Variants in DLG2 observed in about 807,000 individuals in gnomAD.
The protein encoded by DLG2 is discs large MAGUK scaffold protein 2.
DLG2 carries 45 observed loss-of-function variants against 132.5 expected under a neutral mutation model. The ratio of observed to expected loss-of-function variants is 0.34; its 90% confidence interval spans 0.27 to 0.44. The LOEUF is 0.44. Among genes scored for constraint, DLG2 ranks in the 20% least tolerant of loss-of-function variants. DLG2 has a pLI of 1.00. For synonymous variants in DLG2, 424 were observed against 419.6 expected (o/e 1.01, Z -0.13); for missense variants, 1,045 against 1,196.9 (o/e 0.87, Z 1.87).
chr11:85,288,392 G>A (rs568900577), intron 3 of DLG2, among the ~76,000 whole-genome samples: 10 of 151,852 alleles, frequency 6.6e-5, no homozygotes, highest in South Asian at 2.1e-4. Context: ...AATAACATAC[G>A]GGCTGGTAGG....
At chr11:83,504,029 G>T (rs12794550) in intron 21 of DLG2, among the ~76,000 whole-genome samples, 53,736 of 152,056 alleles carry the variant, frequency 0.35, 9,594 homozygotes, top group Middle Eastern at 0.46. Flanking sequence ...CTTCTATGCT[G>T]ATGTGAGGTC....
intron 5 of DLG2, among the ~76,000 whole-genome samples, chr11:85,143,486 C>T (rs1566929087): frequency 2.6e-5 from 4 of 151,388 alleles, no homozygotes; most frequent in African/African-American, 9.7e-5. Flanking sequence ...GCTTGTTTTG[C>T]TTTTGCTTTT....
intron 7 of DLG2, among the ~76,000 whole-genome samples, chr11:84,451,983 G>T (rs562482721): frequency 8.8e-4 from 134 of 151,764 alleles, no homozygotes; most frequent in African/African-American, 3.2e-3. Context: ...TCTAGATATG[G>T]TTTTTTGAAA....
intron 6 of DLG2, among the ~76,000 whole-genome samples, chr11:85,103,359 C>G (rs894296096): frequency 3.9e-5 from 6 of 151,942 alleles, no homozygotes; most frequent in Non-Finnish European, 7.4e-5. Context: ...CAACTTACTA[C>G]AAAGCTACCA....
At chr11:85,015,332 T>C (rs947351600) in intron 6 of DLG2, among the ~76,000 whole-genome samples, 3 of 151,828 alleles carry the variant, frequency 2.0e-5, no homozygotes, top group Non-Finnish European at 4.4e-5. Flanking sequence ...TATGTTCTAG[T>C]CCAACATTTT....
chr11:85,401,037 A>G (rs2088037615), intron 3 of DLG2, among the ~76,000 whole-genome samples: 1 of 152,086 alleles, frequency 6.6e-6, no homozygotes, highest in Non-Finnish European at 1.5e-5. Flanking sequence ...AACAAAAAAA[A>G]AAGAGAATTT....
intron 7 of DLG2, among the ~76,000 whole-genome samples, chr11:84,508,456 G>A (rs1255026175): frequency 6.8e-6 from 1 of 147,722 alleles, no homozygotes; most frequent in African/African-American, 2.5e-5. Context: ...AGGCTGGAGT[G>A]CAGTGGCGCA....
intron 4 of DLG2, among the ~76,000 whole-genome samples, chr11:85,226,152 T>TTTTTTTAATATTTTATATA (rs2074961156): frequency 6.7e-6 from 1 of 149,508 alleles, no homozygotes; most frequent in Non-Finnish European, 1.5e-5. Context: ...TGTGTTATAA[T>TTTTTTTAATATTTTATATA]TTTTATAATA....
At chr11:84,316,738 G>C in intron 7 of DLG2, 1 of 1,398,742 alleles carries the variant, frequency 7.1e-7, no homozygotes, top group South Asian at 1.5e-5. Flanking sequence ...GTGGTACTCT[G>C]CAAAGTTTCC....
chr11:83,492,715 A>G (rs2093927080), intron 21 of DLG2, among the ~76,000 whole-genome samples: 1 of 151,936 alleles, frequency 6.6e-6, no homozygotes, highest in Non-Finnish European at 1.5e-5. Flanking sequence ...CTCATACCCC[A>G]CATCCAATTG....
intron 7 of DLG2, among the ~76,000 whole-genome samples, chr11:84,415,571 G>T (rs942161996): frequency 1.3e-5 from 2 of 152,120 alleles, no homozygotes; most frequent in African/African-American, 4.8e-5. Context: ...CATTATCAAT[G>T]AATGCATATT....
intron 6 of DLG2, among the ~76,000 whole-genome samples, chr11:85,024,270 CCAGGAGCTAGTTA>C (rs1460390771): frequency 6.6e-6 from 1 of 152,104 alleles, no homozygotes; most frequent in East Asian, 1.9e-4. Context: ...AACCCAAGAA[CCAGGAGCTAGTTA>C]CAGGATGGGA....
intron 2 of DLG2, among the ~76,000 whole-genome samples, chr11:85,619,132 T>C (rs1449554834): frequency 1.3e-5 from 2 of 152,228 alleles, no homozygotes; most frequent in Admixed American, 1.3e-4. Flanking sequence ...TAATTAATAT[T>C]TTACAATATC....
intron 14 of DLG2, among the ~76,000 whole-genome samples, chr11:83,955,884 A>C (rs922144369): frequency 1.3e-5 from 2 of 152,144 alleles, no homozygotes; most frequent in African/African-American, 4.8e-5. Context: ...TTGACCACAG[A>C]CTGAAGGCTG....
intron 3 of DLG2, among the ~76,000 whole-genome samples, chr11:85,324,124 TG>T (rs1322054333): frequency 6.6e-6 from 1 of 152,182 alleles, no homozygotes; most frequent in Admixed American, 6.5e-5. Context: ...TCACACAGTC[TG>T]AAATGACCAT....
intron 7 of DLG2, among the ~76,000 whole-genome samples, chr11:84,377,482 T>C (rs1417686098): frequency 1.3e-5 from 2 of 151,990 alleles, no homozygotes; most frequent in African/African-American, 4.8e-5. Flanking sequence ...TAAAGACAAA[T>C]TGGTAACTTT....
At chr11:84,124,847 CTTTTT>C (rs34177526) in intron 9 of DLG2, among the ~76,000 whole-genome samples, 2 of 121,204 alleles carry the variant, frequency 1.7e-5, no homozygotes, top group South Asian at 5.2e-4. Context: ...CTTGTTTTCA[CTTTTT>C]TTTTTTTTTT....
At chr11:84,431,331 T>C (rs796788195) in intron 7 of DLG2, among the ~76,000 whole-genome samples, 16 of 152,314 alleles carry the variant, frequency 1.1e-4, no homozygotes, top group African/African-American at 3.8e-4. Context: ...ACTGGTGATA[T>C]GTTTTCTCTC....
chr11:85,288,445 A>G (rs1040676683), intron 3 of DLG2, among the ~76,000 whole-genome samples: 1 of 152,210 alleles, frequency 6.6e-6, no homozygotes, highest in East Asian at 1.9e-4. Context: ...AAGGAATAAA[A>G]AAAAGATAAA....
Sources: allele counts gnomAD v4.1 joint callset (sites outside exome capture counted in the v4.1 genomes callset), GRCh38; gene constraint gnomAD v4.1.1; transcripts MANE v1.5; gene names NCBI Gene and HGNC (gene_info 2026-07-23, HGNC 2026-07-21).